Variants in FBXO42 observed in about 807,000 individuals in gnomAD.
The protein encoded by FBXO42 is F-box only protein 42.
FBXO42 carries 12 observed loss-of-function variants against 71.7 expected under a neutral mutation model. That is an observed-to-expected ratio of 0.17 (90% CI 0.11 to 0.27). The LOEUF (loss-of-function observed/expected upper bound fraction) is 0.27, where lower values mean the gene tolerates loss of function less well. Ranked by LOEUF, FBXO42 falls within the 10% of genes least tolerant of loss-of-function variation. FBXO42 has a pLI of 1.00. For synonymous variants in FBXO42, 325 were observed against 327.5 expected (o/e 0.99, Z 0.08); for missense variants, 707 against 911.9 (o/e 0.78, Z 2.89).
chr1:16,271,808 T>C (rs2081848695), intron 4 of FBXO42, among the ~76,000 whole-genome samples: 1 of 152,022 alleles, frequency 6.6e-6, no homozygotes, highest in South Asian at 2.1e-4. Flanking sequence ...TACTTAGTAC[T>C]ATACCTGCAT....
chr1:16,342,058 C>G (rs529363291), intron 1 of FBXO42, among the ~76,000 whole-genome samples: 2 of 151,806 alleles, frequency 1.3e-5, no homozygotes, highest in South Asian at 4.2e-4. Context: ...GGGTGGATCA[C>G]CTGAGCCCAG....
Position 16,352,338 on chromosome 1 carries a change from G to A in FBXO42, c.-101C>T, listed in dbSNP as rs1467413103. On this transcript the variant is annotated 5_prime_UTR_variant, in exon 1 of 10. Transcript: ENST00000375592. ...CCAGGGACAGGGCCAGAGCAGAGGC[G>A]CTCTGCCTCAGGCCGCGACAGCCGT... 2 of 397,840 alleles carry A rather than the reference G, an allele frequency of 5.0e-6. No individual in the cohort carries two copies. Among genetic ancestry groups the A allele is most frequent in the African/African-American group, 2.1e-5 (1 of 48,596 alleles). 24.6% of individuals were successfully genotyped at this position (397,840 alleles called of 1,614,324 possible).
chr1:16,315,936 C>T (rs573946309), intron 1 of FBXO42, among the ~76,000 whole-genome samples: 3 of 151,742 alleles, frequency 2.0e-5, no homozygotes, highest in South Asian at 2.1e-4. Context: ...TTTGGGAGAC[C>T]GAGGCGGGCA....
chr1:16,266,354 A>T (rs2081773298), intron 4 of FBXO42, among the ~76,000 whole-genome samples: 1 of 152,206 alleles, frequency 6.6e-6, no homozygotes, highest in South Asian at 2.1e-4. Flanking sequence ...GCACAGTGGC[A>T]TGTACCTGTA....
chr1:16,256,473 T>A, intron 5 of FBXO42, 133 bp downstream of exon 5: 1 of 944,136 alleles, frequency 1.1e-6, no homozygotes, highest in Non-Finnish European at 1.6e-6. Context: ...ATATGTGCAT[T>A]TTTCCCCTCC....
intron 6 of FBXO42, among the ~76,000 whole-genome samples, chr1:16,254,710 T>C (rs1439875610): frequency 2.0e-5 from 3 of 152,210 alleles, no homozygotes; most frequent in Non-Finnish European, 4.4e-5. Flanking sequence ...GCTCATCAAC[T>C]TCCACTTCAG....
At chr1:16,255,632 T>A in intron 6 of FBXO42, 79 bp downstream of exon 6, 1 of 1,201,312 alleles carries the variant, frequency 8.3e-7, no homozygotes, top group Non-Finnish European at 1.2e-6. Flanking sequence ...AGGCACCTGG[T>A]CCCTAATTCA....
chr1:16,313,403 C>T (rs575254947), intron 2 of FBXO42, among the ~76,000 whole-genome samples: 1 of 151,632 alleles, frequency 6.6e-6, no homozygotes, highest in African/African-American at 2.4e-5. Context: ...ATAAGACTGC[C>T]AAAGAAAACC....
intron 1 of FBXO42, among the ~76,000 whole-genome samples, chr1:16,322,042 C>T (rs551186003): frequency 4.3e-4 from 65 of 152,052 alleles, no homozygotes; most frequent in Non-Finnish European, 6.9e-4. Flanking sequence ...TGGTGGCAGG[C>T]GCCTGTAATC....
At chr1:16,330,289 G>GTC (rs960889498) in intron 1 of FBXO42, among the ~76,000 whole-genome samples, 22 of 152,152 alleles carry the variant, frequency 1.4e-4, no homozygotes, top group Non-Finnish European at 3.1e-4. Flanking sequence ...GAGACGCCAA[G>GTC]ATGAGAGGAT....
At chr1:16,329,272 A>G (rs894090668) in intron 1 of FBXO42, among the ~76,000 whole-genome samples, 5 of 151,924 alleles carry the variant, frequency 3.3e-5, no homozygotes, top group Non-Finnish European at 5.9e-5. Flanking sequence ...CCATAAAATA[A>G]ATTGGTATTG....
chr1:16,279,665 G>A (rs757608496), intron 4 of FBXO42, among the ~76,000 whole-genome samples: 3 of 151,880 alleles, frequency 2.0e-5, no homozygotes, highest in Non-Finnish European at 2.9e-5. Flanking sequence ...ATGGAACATC[G>A]AGAACCAAGG....
rs2081649104 is a variant in FBXO42 at position 16,256,706 on chromosome 1, G to T, written c.556C>A (p.Leu186Ile). 5.0e-6 allele frequency: 8 copies of T among 1,614,092 alleles called. No individual in the cohort carries two copies. In the Admixed American group the frequency reaches 1.0e-4, roughly 20 times the overall value. Residue 186 changes from leucine (L) to isoleucine (I), a missense_variant, in exon 5 of 10, where the codon CTA (leucine) becomes ATA (isoleucine). By Grantham distance (5) the Leu-to-Ile change is conservative. This residue lies in a region of FBXO42 where 188 missense variants were observed against 230.5 expected (regional missense o/e 0.82). Transcript: ENST00000375592. Reference protein sequence around the residue: ...GATLVVYKDLLVLFGGWTRPS... With the variant: ...GATLVVYKDLIVLFGGWTRPS... ...CGCGTCCAGCCACCAAACAGCACTA[G>T]CAAGTCCTTGTACACGACCAGAGTT...
At chr1:16,302,762 A>G (rs1284994437) in intron 3 of FBXO42, among the ~76,000 whole-genome samples, 2 of 152,198 alleles carry the variant, frequency 1.3e-5, no homozygotes, top group Non-Finnish European at 2.9e-5. Flanking sequence ...CGCCCTCCTC[A>G]GCCTCCCAAA....
chr1:16,268,659 C>T (rs972776359), intron 4 of FBXO42, among the ~76,000 whole-genome samples: 9 of 152,084 alleles, frequency 5.9e-5, no homozygotes, highest in African/African-American at 2.2e-4. Context: ...ATCAAAAGCA[C>T]ATCACTTTAA....
At chr1:16,304,305 G>A (rs1474299753) in intron 3 of FBXO42, among the ~76,000 whole-genome samples, 1 of 150,642 alleles carries the variant, frequency 6.6e-6, no homozygotes, top group Non-Finnish European at 1.5e-5. Flanking sequence ...ATTTTTAGTG[G>A]ACAGGGTTTC....
intron 1 of FBXO42, among the ~76,000 whole-genome samples, chr1:16,341,576 C>T (rs1396093262): frequency 1.4e-5 from 2 of 145,220 alleles, no homozygotes; most frequent in Non-Finnish European, 3.0e-5. Context: ...CCCCTGCACT[C>T]CAGCCTGGGC....
intron 4 of FBXO42, among the ~76,000 whole-genome samples, chr1:16,275,545 G>C (rs1348222958): frequency 6.6e-6 from 1 of 152,056 alleles, no homozygotes; most frequent in Non-Finnish European, 1.5e-5. Flanking sequence ...CTTGAGCCCA[G>C]GAATTTGAGG....
chr1:16,300,318 C>T (rs2082177843), intron 3 of FBXO42, among the ~76,000 whole-genome samples: 1 of 152,080 alleles, frequency 6.6e-6, no homozygotes, highest in Admixed American at 6.6e-5. Flanking sequence ...ACTAATCATC[C>T]CTATTAAAAT....
Sources: gnomAD v4.1 joint callset for allele counts (sites outside exome capture counted in the v4.1 genomes callset) on GRCh38, gnomAD v4.1.1 for gene constraint, gnomAD v4.1.1 regional missense constraint, MANE v1.5 for transcripts, NCBI Gene and HGNC (gene_info 2026-07-23, HGNC 2026-07-21) for gene names.